LANCL2: variants seen among roughly 807,000 people sequenced by gnomAD.
LANCL2 encodes the protein lanC-like protein 2.
LANCL2 carries 33 observed loss-of-function variants against 56.9 expected under a neutral mutation model. The ratio of observed to expected loss-of-function variants is 0.58; its 90% confidence interval spans 0.44 to 0.78. The LOEUF (loss-of-function observed/expected upper bound fraction) is 0.78, where lower values mean the gene tolerates loss of function less well. Among genes scored for constraint, LANCL2 ranks in the 30% least tolerant of loss-of-function variants. LANCL2 has a pLI of 0.00. For missense variants in LANCL2, 562 were observed against 580.2 expected, an observed-to-expected ratio of 0.97 and a Z score of 0.32; for synonymous variants, 233 against 228.2, an observed-to-expected ratio of 1.02 and a Z score of -0.19.
rs544820708 is a variant in LANCL2 at position 55,375,638 on chromosome 7, T to G, written c.204+9409T>G. ...TTTTGCAGTTTAAAGCAGCACCTAT[T>G]TATTTATCATCTTTAAAATGAAGTC... On this transcript the variant is annotated intron_variant, in intron 1 of 8. Transcript: ENST00000254770. Among the ~76,000 whole-genome samples the G allele has an allele frequency of 1.1e-3, 163 of 152,328 alleles. 7 individuals carry two copies. The South Asian group carries it at 0.033, about 31-fold the overall frequency.
chr7:55,427,588 C>A (rs192767090), intron 7 of LANCL2, among the ~76,000 whole-genome samples: 75 of 152,308 alleles, frequency 4.9e-4, no homozygotes, highest in African/African-American at 1.8e-3. Context: ...ATCTGAAGGT[C>A]TTTCTGTTGT....
At chr7:55,413,374 C>G (rs1790491985) in intron 6 of LANCL2, among the ~76,000 whole-genome samples, 1 of 152,146 alleles carries the variant, frequency 6.6e-6, no homozygotes, top group Non-Finnish European at 1.5e-5. Flanking sequence ...AATGTGGAAG[C>G]TCCTTTTTGT....
chr7:55,383,306 C>T (rs1790088970), intron 1 of LANCL2, among the ~76,000 whole-genome samples: 1 of 152,160 alleles, frequency 6.6e-6, no homozygotes, highest in South Asian at 2.1e-4. Flanking sequence ...AGAGAGAAAA[C>T]CCCATGTGTG....
At chr7:55,430,966 C>T (rs1235579199) in intron 8 of LANCL2, among the ~76,000 whole-genome samples, 10 of 152,110 alleles carry the variant, frequency 6.6e-5, no homozygotes, top group Admixed American at 5.9e-4. Context: ...TCTGTGATGC[C>T]ACCTTAAAGT....
chr7:55,408,979 CAAAAA>C (rs35907460), intron 5 of LANCL2, among the ~76,000 whole-genome samples: 58 of 116,112 alleles, frequency 5.0e-4, no homozygotes, highest in African/African-American at 1.8e-3. Context: ...AACTCTGTCT[CAAAAA>C]AAAAAAAAAA....
intron 1 of LANCL2, among the ~76,000 whole-genome samples, chr7:55,369,947 A>G (rs994692633): frequency 4.6e-5 from 7 of 152,208 alleles, no homozygotes; most frequent in Non-Finnish European, 8.8e-5. Context: ...TTGCTGTGTA[A>G]TAATTATCCC....
chr7:55,403,862 G>A (rs1790374037), intron 5 of LANCL2, among the ~76,000 whole-genome samples: 2 of 152,078 alleles, frequency 1.3e-5, no homozygotes, highest in African/African-American at 4.8e-5. Flanking sequence ...GAGCCACCGT[G>A]CCTGGCTTGC....
chr7:55,400,087 G>C lies in LANCL2; in HGVS notation c.661G>C (p.Glu221Gln). 1.2e-6 allele frequency: 2 copies of C among 1,608,198 alleles called. No homozygotes were observed. The highest frequency in any genetic ancestry group is 2.2e-5 in the South Asian group (2 of 90,140). ...NTEIGPGTVC[E>Q]SAIKEVVNAI... The stretch of plus-strand genomic sequence containing the variant: ...AGAGATAGGTCCAGGCACCGTGTGT[G>C]AGTCAGCTATTAAAGAGGTACTATG... Residue 221 changes from glutamate to glutamine, a missense_variant, in exon 4 of 9, where the codon GAG becomes CAG. Around this residue, in one of 2 missense-constraint regions of LANCL2, gnomAD observed 378 missense variants for 468.4 expected, o/e 0.81. Transcript: ENST00000254770.
At chr7:55,431,112 C>A (rs1790722211) in intron 8 of LANCL2, 114 bp from the exon 9 acceptor site, 1 of 650,298 alleles carries the variant, frequency 1.5e-6, no homozygotes, top group Middle Eastern at 2.6e-4. Flanking sequence ...TCTTTAGAGT[C>A]CTCAGCACCT....
At chr7:55,416,982 T>TTTTTTG (rs1790548258) in intron 6 of LANCL2, among the ~76,000 whole-genome samples, 5 of 137,674 alleles carry the variant, frequency 3.6e-5, no homozygotes, top group African/African-American at 1.4e-4. Flanking sequence ...TTTTTTTTTT[T>TTTTTTG]TTTTTTTTTT....
intron 5 of LANCL2, among the ~76,000 whole-genome samples, chr7:55,408,486 T>G (rs1790435660): frequency 6.6e-6 from 1 of 151,968 alleles, no homozygotes; most frequent in African/African-American, 2.4e-5. Context: ...GCCAACACAG[T>G]GAAACCCCGT....
chr7:55,430,247 C>T (rs768577686), intron 8 of LANCL2, among the ~76,000 whole-genome samples: 2 of 152,152 alleles, frequency 1.3e-5, no homozygotes, highest in African/African-American at 4.8e-5. Flanking sequence ...CCCAGATGAC[C>T]GTCAGTAGGA....
Position 55,401,325 on chromosome 7 carries a change from G to C in LANCL2, c.825+5G>C, listed in dbSNP as rs754151076. 2.5e-6 allele frequency: 4 copies of C among 1,612,048 alleles called. No homozygotes were observed. Among genetic ancestry groups the C allele is most frequent in the Non-Finnish European group, 3.4e-6 (4 of 1,178,258 alleles). On this transcript the variant is annotated splice_donor_5th_base_variant and intron_variant, in intron 5 of 8. Coordinates refer to ENST00000254770, the MANE Select transcript of LANCL2 (RefSeq NM_018697.4). ...ATTTACTATATGTTAATGCAGGTAG[G>C]TAAGAATACTCTTACACACTACAGT...
intron 1 of LANCL2, among the ~76,000 whole-genome samples, chr7:55,376,600 T>C (rs1790006048): frequency 6.6e-6 from 1 of 152,234 alleles, no homozygotes; most frequent in Non-Finnish European, 1.5e-5. Flanking sequence ...CCTGCCTCTG[T>C]GAGTGGGCAT....
chr7:55,402,535 G>A (rs1268406844), intron 5 of LANCL2, among the ~76,000 whole-genome samples: 3 of 142,742 alleles, frequency 2.1e-5, no homozygotes, highest in African/African-American at 5.3e-5. Flanking sequence ...CGGATGGGGC[G>A]GCTTGCCGGG....
chr7:55,399,073 G>A (rs1157560922), intron 3 of LANCL2, among the ~76,000 whole-genome samples: 1 of 152,088 alleles, frequency 6.6e-6, no homozygotes, highest in Non-Finnish European at 1.5e-5. Context: ...CTAGGGTCTG[G>A]TAGAGTATCT....
In LANCL2 at chr7:55,431,326, G is replaced by T. The variant is rs1790725015; in HGVS notation, c.*6G>T. ...ACTCTTCGAAGAGGGATTAAAAGGT[G>T]CAAAAAGACAACTAAAATACCCATT... is the stretch of plus-strand genomic sequence containing the variant. On this transcript the variant is annotated 3_prime_UTR_variant, in exon 9 of 9. Coordinates refer to ENST00000254770, the MANE Select transcript of LANCL2 (RefSeq NM_018697.4). 6.2e-7 allele frequency: 1 copy of T among 1,606,242 alleles called. No homozygotes were observed. Among genetic ancestry groups the T allele is most frequent in the Non-Finnish European group, 8.5e-7 (1 of 1,175,408 alleles).
chr7:55,430,818 A>G (rs1252996300), intron 8 of LANCL2, among the ~76,000 whole-genome samples: 1 of 152,178 alleles, frequency 6.6e-6, no homozygotes, highest in African/African-American at 2.4e-5. Flanking sequence ...ATTTTGACCA[A>G]ATTGAGGTTT....
At chr7:55,368,354 A>C (rs1047929142) in intron 1 of LANCL2, among the ~76,000 whole-genome samples, 5 of 152,236 alleles carry the variant, frequency 3.3e-5, no homozygotes, top group Non-Finnish European at 7.3e-5. Flanking sequence ...CTGCAATGAA[A>C]TGTAAGTTGG....
Sources: allele counts gnomAD v4.1 joint callset (sites outside exome capture counted in the v4.1 genomes callset), GRCh38; gene constraint gnomAD v4.1.1; regional missense constraint gnomAD v4.1.1; transcripts MANE v1.5; gene names NCBI Gene and HGNC (gene_info 2026-07-23, HGNC 2026-07-21).